The following PCDHGA12 variants were observed in gnomAD, a reference collection of about 807,000 sequenced individuals.
PCDHGA12 encodes protocadherin gamma-A12.
In PCDHGA12, 43 loss-of-function variants were observed where a neutral mutation model predicts 61.1. That is an observed-to-expected ratio of 0.70 (90% CI 0.55 to 0.91). The LOEUF is 0.91. PCDHGA12 is among the 40% of genes least tolerant of loss of function. The pLI, the probability that PCDHGA12 is intolerant of heterozygous loss-of-function variation, is 0.00. For synonymous variants in PCDHGA12, 520 were observed against 542.9 expected (o/e 0.96, Z 0.59); for missense variants, 1,236 against 1,227.7 (o/e 1.01, Z -0.10).
chr5:141,473,925 T>C (rs1338065496), intron 1 of PCDHGA12, among the ~76,000 whole-genome samples: 1 of 152,124 alleles, frequency 6.6e-6, no homozygotes, highest in East Asian at 1.9e-4. Context: ...AACTATGAGC[T>C]GGGTGCAGTA....
rs1289513674 is a variant in PCDHGA12 at position 141,432,063 on chromosome 5, A to T, written c.1304A>T (p.Glu435Val). Residue 435 changes from glutamate (E) to valine (V), a missense_variant, in exon 1 of 4, where the codon GAA becomes GTA. Physicochemically the swap from Glu to Val is moderately radical, Grantham distance 121. Coordinates refer to ENST00000252085, the MANE Select transcript of PCDHGA12 (RefSeq NM_003735.3). The surrounding 1 kb of genome is among the most constrained non-coding windows in gnomAD (Gnocchi z 6.0). ...TDRGTPPLST[E>V]THISLNVADT... ...CGGGGAACCCCGCCCCTATCCACGG[A>T]AACTCATATCTCGCTGAACGTGGCA... The T allele has an allele frequency of 8.7e-6, 14 of 1,614,134 alleles. No individual in the cohort carries two copies. The highest frequency in any genetic ancestry group is 1.2e-5 in the Non-Finnish European group (14 of 1,180,028).
intron 1 of PCDHGA12, among the ~76,000 whole-genome samples, chr5:141,479,789 T>C (rs888217885): frequency 3.3e-5 from 5 of 152,196 alleles, no homozygotes; most frequent in Non-Finnish European, 2.9e-5. Flanking sequence ...AAAGCATTCA[T>C]TAATTCAGGG....
Position 141,512,423 on chromosome 5 carries a change from T to C in PCDHGA12, c.*1250T>C, listed in dbSNP as rs2099884220. ...GATGGGGCTTCTTCAACAGGGCCCC[T>C]GCCCTCCTGAAGCCTCAGTCCTTCA... is the stretch of plus-strand genomic sequence containing the variant. On this transcript the variant is annotated 3_prime_UTR_variant, in exon 4 of 4. Transcript: ENST00000252085. 1 of 152,754 alleles carries C rather than the reference T, an allele frequency of 6.5e-6. No individual in the cohort carries two copies. The highest frequency in any genetic ancestry group is 6.5e-5 in the Admixed American group (1 of 15,274). The allele number at this position is 152,754 out of a possible 1,614,324, so 9.5% of individuals were successfully genotyped here.
At chr5:141,501,326 CACACA>C (rs2099807944) in intron 2 of PCDHGA12, among the ~76,000 whole-genome samples, 1 of 151,784 alleles carries the variant, frequency 6.6e-6, no homozygotes, top group Non-Finnish European at 1.5e-5. Flanking sequence ...CACACACACA[CACACA>C]CACCCCAAAC....
chr5:141,474,242 G>A (rs575397598), intron 1 of PCDHGA12, among the ~76,000 whole-genome samples: 1 of 152,192 alleles, frequency 6.6e-6, no homozygotes, highest in African/African-American at 2.4e-5. Context: ...GCTGAATAGG[G>A]GAAAAAAAGA....
chr5:141,503,209 C>T (rs963237902), intron 2 of PCDHGA12, among the ~76,000 whole-genome samples: 3 of 152,020 alleles, frequency 2.0e-5, no homozygotes, highest in African/African-American at 7.3e-5. Context: ...TCTCAGTGCC[C>T]ACCATGAGCA....
At chr5:141,499,247 A>C (rs908111927) in intron 2 of PCDHGA12, among the ~76,000 whole-genome samples, 1 of 152,036 alleles carries the variant, frequency 6.6e-6, no homozygotes, top group Non-Finnish European at 1.5e-5. Flanking sequence ...CTCTGCACAA[A>C]GAGTCTCCAT....
chr5:141,496,164 C>A (rs745320704), intron 2 of PCDHGA12, among the ~76,000 whole-genome samples: 1 of 152,084 alleles, frequency 6.6e-6, no homozygotes, highest in East Asian at 1.9e-4. Flanking sequence ...CCACCAGACA[C>A]CCTCCCATCC....
At position 141,432,707 on chromosome 5, in the gene PCDHGA12, G is replaced by A. The variant is rs750859951; in HGVS notation, c.1948G>A (p.Gly650Ser). ...CCTCGTAGTGGCCGTCCAGGACCAC[G>A]GCCAGCCCCCTCTCTCCGCCACTGT... Reference protein sequence around the residue: ...QSLVVAVQDHGQPPLSATVTL... With the variant: ...QSLVVAVQDHSQPPLSATVTL... Residue 650 changes from glycine (G) to serine (S), a missense_variant, in exon 1 of 4, where the codon GGC (glycine) becomes AGC (serine). By Grantham distance (56) the Gly-to-Ser change is moderately conservative. Coordinates refer to ENST00000252085, the MANE Select transcript of PCDHGA12 (RefSeq NM_003735.3). The surrounding 1 kb of genome is among the most constrained non-coding windows in gnomAD (Gnocchi z 6.0). 5 of 1,613,988 alleles carry A rather than the reference G, an allele frequency of 3.1e-6. No individual in the cohort carries two copies. Among genetic ancestry groups the A allele is most frequent in the Non-Finnish European group, 4.2e-6 (5 of 1,179,970 alleles).
At chr5:141,446,049 G>T (rs1043671484) in intron 1 of PCDHGA12, among the ~76,000 whole-genome samples, 1 of 152,100 alleles carries the variant, frequency 6.6e-6, no homozygotes, top group African/African-American at 2.4e-5. Context: ...AAGAAGAGCT[G>T]GCTTGGATTA....
chr5:141,509,645 G>C (rs138497208), intron 3 of PCDHGA12, among the ~76,000 whole-genome samples: 8 of 152,338 alleles, frequency 5.3e-5, no homozygotes, highest in African/African-American at 1.9e-4. Context: ...GCCAGGGCCA[G>C]AGTGTGGACT....
chr5:141,480,152 C>G (rs2099513323), intron 1 of PCDHGA12, among the ~76,000 whole-genome samples: 1 of 151,928 alleles, frequency 6.6e-6, no homozygotes, highest in African/African-American at 2.4e-5. Context: ...TAGCCAGCTC[C>G]TAGCATTTTG....
intron 1 of PCDHGA12, among the ~76,000 whole-genome samples, chr5:141,459,307 A>G (rs1175102009): frequency 6.6e-6 from 1 of 152,198 alleles, no homozygotes; most frequent in Non-Finnish European, 1.5e-5. Context: ...AACATATACT[A>G]TTTTGTATCC....
In PCDHGA12 at chr5:141,511,261, G is replaced by A; in HGVS notation, c.*88G>A. On this transcript the variant is annotated 3_prime_UTR_variant, in exon 4 of 4. Transcript: ENST00000252085. The stretch of plus-strand genomic sequence containing the variant: ...CTGCACCCAGGCCTCAGAGTTTCAG[G>A]GCTAACCCCCAGAATACTGGTAGGG... 2 of 1,557,474 alleles carry A rather than the reference G, an allele frequency of 1.3e-6. No homozygotes were observed. The highest frequency in any genetic ancestry group is 1.4e-5 in the African/African-American group (1 of 73,440).
Position 141,487,650 on chromosome 5 carries a change from G to A in PCDHGA12, c.2425-7157G>A. On this transcript the variant is annotated intron_variant, in intron 1 of 3. Transcript: ENST00000252085. The surrounding 1 kb of genome is among the most constrained non-coding windows in gnomAD (Gnocchi z 5.0). ...TTGCAGGCTCAACAAATGCTTGAGGGTTATTCTGATCCAGGCATATGGCTA... is the reference window on the plus strand; with the variant it reads ...TTGCAGGCTCAACAAATGCTTGAGGATTATTCTGATCCAGGCATATGGCTA... 1 of 1,613,994 alleles carries A rather than the reference G, an allele frequency of 6.2e-7. No individual in the cohort carries two copies. Among genetic ancestry groups the A allele is most frequent in the Non-Finnish European group, 8.5e-7 (1 of 1,179,954 alleles).
At chr5:141,450,786 C>A (rs1468388706) in intron 1 of PCDHGA12, among the ~76,000 whole-genome samples, 1 of 151,020 alleles carries the variant, frequency 6.6e-6, no homozygotes, top group Admixed American at 6.6e-5. Flanking sequence ...CGTGCCCGGA[C>A]CTCATGATTG....
chr5:141,507,012 G>A (rs2099857902), intron 3 of PCDHGA12: 1 of 152,208 alleles, frequency 6.6e-6, no homozygotes, highest in Admixed American at 6.5e-5. Flanking sequence ...AGAGAACCGA[G>A]AAGGCACTTG....
At chr5:141,449,920 A>G (rs1287640011) in intron 1 of PCDHGA12, among the ~76,000 whole-genome samples, 1 of 151,842 alleles carries the variant, frequency 6.6e-6, no homozygotes, top group East Asian at 1.9e-4. Context: ...TTTAAATTCT[A>G]CCATACCTTA....
At chr5:141,443,059 A>G (rs148799842) in intron 1 of PCDHGA12, among the ~76,000 whole-genome samples, 145 of 152,348 alleles carry the variant, frequency 9.5e-4, no homozygotes, top group African/African-American at 3.3e-3. Context: ...GTTCCACTGA[A>G]GAGCGTCTTA....
Sources: allele counts gnomAD v4.1 joint callset (sites outside exome capture counted in the v4.1 genomes callset), GRCh38; gene constraint gnomAD v4.1.1; non-coding constraint Gnocchi (gnomAD v3.1); transcripts MANE v1.5; gene names NCBI Gene and HGNC (gene_info 2026-07-23, HGNC 2026-07-21).